The following USP40 variants were observed in gnomAD, a reference collection of about 807,000 sequenced individuals.
USP40 encodes the protein ubiquitin specific peptidase 40.
A neutral mutation model predicts 166.2 loss-of-function variants in USP40; 143 were observed. That is an observed-to-expected ratio of 0.86 (90% CI 0.75 to 0.99). The LOEUF is 0.99. Among genes scored for constraint, USP40 ranks in the 50% least tolerant of loss-of-function variants. The probability of loss-of-function intolerance (pLI) is 0.00; values close to 1 mark genes in which losing one functional copy is unlikely to be tolerated. For synonymous variants in USP40, 498 were observed against 524.0 expected, an observed-to-expected ratio of 0.95 and a Z score of 0.68; for missense variants, 1,444 against 1,479.7, an observed-to-expected ratio of 0.98 and a Z score of 0.40.
rs12994878 is a variant in USP40, at chr2:233,566,344, T to C, written c.-20+340A>G. Among the ~76,000 whole-genome samples the C allele has an allele frequency of 7.9e-3, 1,206 of 152,108 alleles. 13 individuals carry two copies. Among genetic ancestry groups the C allele is most frequent in the Middle Eastern group, 0.02 (6 of 294 alleles). ...AGAAACGTAAAGCGCCTAGCATAGGTACCAAATGACAGGAAGCGCTGAAAT... is the reference window on the plus strand; with the variant it reads ...AGAAACGTAAAGCGCCTAGCATAGGCACCAAATGACAGGAAGCGCTGAAAT... On this transcript the variant is annotated intron_variant, in intron 1 of 31. Coordinates refer to ENST00000678225, the MANE Select transcript of USP40 (RefSeq NM_001365479.2).
At chr2:233,502,300 A>G (rs1238883689) in intron 21 of USP40, among the ~76,000 whole-genome samples, 3 of 152,220 alleles carry the variant, frequency 2.0e-5, no homozygotes, top group African/African-American at 4.8e-5. Flanking sequence ...ATGATCCTCA[A>G]ATACCCATCA....
At chr2:233,500,294 T>G (rs1490280678) in intron 21 of USP40, among the ~76,000 whole-genome samples, 1 of 152,200 alleles carries the variant, frequency 6.6e-6, no homozygotes, top group Non-Finnish European at 1.5e-5. Context: ...AAGGCGAGAT[T>G]GATAGCATTT....
rs150354636 is a variant in USP40 at position 233,511,658 on chromosome 2, T to C, written c.2526+51A>G. On this transcript the variant is annotated intron_variant, in intron 20 of 31. Coordinates refer to ENST00000678225, the MANE Select transcript of USP40 (RefSeq NM_001365479.2). ...GAGTAGCTAAGGTACTAGTTATAAT[T>C]CTGGTTATGGAAGGGTTGATTTTGT... 397 of 1,456,130 alleles carry C rather than the reference T, an allele frequency of 2.7e-4. 2 individuals are homozygous for C. In the Middle Eastern group the frequency reaches 4.5e-3, roughly 17 times the overall value. The allele number at this position is 1,456,130 out of a possible 1,614,324, so 90.2% of individuals were successfully genotyped here.
At chr2:233,519,737 T>A (rs910146506) in intron 17 of USP40, 66 bp from the exon 18 acceptor site, 43 of 890,768 alleles carry the variant, frequency 4.8e-5, no homozygotes, top group Non-Finnish European at 7.4e-5. Flanking sequence ...ATGAGGATTG[T>A]CACTGTGTGC....
intron 21 of USP40, among the ~76,000 whole-genome samples, chr2:233,501,045 AAATAT>A (rs1180983184): frequency 1.3e-5 from 2 of 152,242 alleles, no homozygotes; most frequent in African/African-American, 4.8e-5. Flanking sequence ...TAAGGCTTTA[AAATAT>A]AATTATAGAT....
At chr2:233,521,873 T>C (rs1039873092) in intron 16 of USP40, among the ~76,000 whole-genome samples, 3 of 152,230 alleles carry the variant, frequency 2.0e-5, no homozygotes, top group African/African-American at 7.2e-5. Flanking sequence ...ATGATAATTA[T>C]GACAATGACC....
chr2:233,491,208 CTA>C lies in USP40; in HGVS notation c.2969_2970del (p.Ile990ArgfsTer49). 6.2e-7 allele frequency: 1 copy of C among 1,611,834 alleles called. No individual in the cohort carries two copies. Among genetic ancestry groups the C allele is most frequent in the Non-Finnish European group, 8.5e-7 (1 of 1,179,064 alleles). On this transcript the variant is annotated frameshift_variant, in exon 26 of 32. Transcript: ENST00000678225. LOFTEE classifies it high-confidence loss of function. ...AQVSLLYLGD[I>X]EISEDATLAE... ...GCCAGCGTGGCATCTTCTGAGATCT[CTA>C]TGTCTCCCAAGTAGAGGAGAGAAAC...
At chr2:233,534,411 C>G (rs1178923733) in intron 10 of USP40, among the ~76,000 whole-genome samples, 1 of 152,186 alleles carries the variant, frequency 6.6e-6, no homozygotes, top group Non-Finnish European at 1.5e-5. Context: ...TCCTCTCACT[C>G]TTTAACCTCT....
At chr2:233,515,134 C>T (rs1454876014) in intron 18 of USP40, among the ~76,000 whole-genome samples, 5 of 152,156 alleles carry the variant, frequency 3.3e-5, no homozygotes, top group Non-Finnish European at 7.3e-5. Context: ...TTAAATACAC[C>T]ATCATTTGTT....
chr2:233,534,060 A>G (rs1243496871), intron 10 of USP40, among the ~76,000 whole-genome samples: 1 of 152,236 alleles, frequency 6.6e-6, no homozygotes, highest in Non-Finnish European at 1.5e-5. Context: ...TTAAAAAAGT[A>G]TTTAACTGGA....
At chr2:233,555,911 G>A (rs999219997) in intron 5 of USP40, among the ~76,000 whole-genome samples, 1 of 151,784 alleles carries the variant, frequency 6.6e-6, no homozygotes, top group African/African-American at 2.4e-5. Flanking sequence ...TCAGGAGATC[G>A]AGACCATCCT....
At position 233,540,789 on chromosome 2, in the gene USP40, C is replaced by T; in HGVS notation, c.1063-20G>A. 6.3e-7 allele frequency: 1 copy of T among 1,578,064 alleles called. No homozygotes were observed. Among genetic ancestry groups the T allele is most frequent in the Non-Finnish European group, 8.7e-7 (1 of 1,149,076 alleles). On this transcript the variant is annotated intron_variant, in intron 9 of 31. Transcript: ENST00000678225. ...CTCCTCCTTATGAGAGAAACACAGTCACTCAAGAAAATCTGATGAGAAATA... is the reference window on the plus strand; with the variant it reads ...CTCCTCCTTATGAGAGAAACACAGTTACTCAAGAAAATCTGATGAGAAATA...
chr2:233,528,933 G>A (rs113123347), intron 12 of USP40, among the ~76,000 whole-genome samples: 2,242 of 152,300 alleles, frequency 0.015, 54 homozygotes, highest in African/African-American at 0.052. Context: ...ATCTCTTTAA[G>A]TAAGAATCCA....
chr2:233,551,446 C>T lies in USP40; in HGVS notation c.767G>A (p.Cys256Tyr). The change falls in exon 7 of 32, where the codon TGC becomes TAC. Residue 256 changes from cysteine (C) to tyrosine (Y), a missense_variant. Physicochemically the swap from Cys to Tyr is radical, Grantham distance 194. Coordinates refer to ENST00000678225, the MANE Select transcript of USP40 (RefSeq NM_001365479.2). ...ACAGCTAGTTTCCTTGTAGCGTTCG[C>T]ATTTCACAAAATCAAAATTAAATCT... ...LLRFNFDFVK[C>Y]ERYKETSCYT... The T allele has an allele frequency of 6.2e-7, 1 of 1,612,322 alleles. No individual in the cohort carries two copies. Among genetic ancestry groups the T allele is most frequent in the Non-Finnish European group, 8.5e-7 (1 of 1,179,204 alleles).
At chr2:233,500,947 A>G (rs906554031) in intron 21 of USP40, among the ~76,000 whole-genome samples, 1 of 152,214 alleles carries the variant, frequency 6.6e-6, no homozygotes, top group East Asian at 1.9e-4. Context: ...AGAAAGGACT[A>G]GAATAGAGTG....
In USP40 at chr2:233,486,000, G is replaced by T. The variant is rs377528949; in HGVS notation, c.3198-23C>A. ...GGGCTGTACCAGAAAACCGTCAAGC[G>T]CCAGATCCAAACAAACAAACAAAAC... On this transcript the variant is annotated intron_variant, in intron 28 of 31. Transcript: ENST00000678225. 4 of 1,547,252 alleles carry T rather than the reference G, an allele frequency of 2.6e-6. No homozygotes were observed. In the African/African-American group the frequency reaches 5.5e-5, roughly 21 times the overall value.
chr2:233,489,937 T>A (rs1559218871), intron 26 of USP40: 2 of 157,822 alleles, frequency 1.3e-5, no homozygotes, highest in Non-Finnish European at 2.8e-5. Flanking sequence ...TATTTCAAAA[T>A]CTTTGGCTGC....
At chr2:233,537,821 T>C (rs1404200156) in intron 10 of USP40, among the ~76,000 whole-genome samples, 4 of 152,188 alleles carry the variant, frequency 2.6e-5, no homozygotes, top group Admixed American at 2.6e-4. Flanking sequence ...GGAAACTCTC[T>C]AGGTTGAAGG....
At chr2:233,490,408 G>A (rs1559219403) in intron 26 of USP40, among the ~76,000 whole-genome samples, 1 of 151,776 alleles carries the variant, frequency 6.6e-6, no homozygotes, top group Non-Finnish European at 1.5e-5. Context: ...CTGACCTCAA[G>A]TGATCCGCCT....
Sources: allele counts gnomAD v4.1 joint callset (sites outside exome capture counted in the v4.1 genomes callset), GRCh38; gene constraint gnomAD v4.1.1; transcripts MANE v1.5; gene names NCBI Gene and HGNC (gene_info 2026-07-23, HGNC 2026-07-21).